MYO1H: variants seen among roughly 807,000 people sequenced by gnomAD.
The protein encoded by MYO1H is unconventional myosin-Ih.
In MYO1H, 118 loss-of-function variants were observed where a neutral mutation model predicts 149.3. The ratio of observed to expected loss-of-function variants is 0.79; its 90% CI spans 0.68 to 0.92. MYO1H has a LOEUF of 0.92. Among genes scored for constraint, MYO1H ranks in the 40% least tolerant of loss-of-function variants. MYO1H has a pLI of 0.00. For missense variants in MYO1H, 1,212 were observed against 1,280.7 expected (o/e 0.95, Z 0.82); for synonymous variants, 447 against 465.2 (o/e 0.96, Z 0.50).
chr12:109,335,234 G>T, the MYO1H span, among the ~76,000 whole-genome samples: 1 of 152,076 alleles, frequency 6.6e-6, no homozygotes, highest in African/African-American at 2.4e-5. Flanking sequence ...TGATGTTTCT[G>T]GGGAGGCCTC....
rs186633747 is a variant in MYO1H at position 109,351,377 on chromosome 12, A to G, written c.12+3405A>G. Among the ~76,000 whole-genome samples the G allele has an allele frequency of 2.2e-4, 34 of 152,322 alleles. No individual in the cohort carries two copies. In the East Asian group the frequency reaches 4.4e-3, roughly 20 times the overall value. On this transcript the variant is annotated intron_variant, in intron 1 of 31. Coordinates refer to ENST00000310903, the Ensembl canonical transcript of MYO1H. ...TTTTGACTAACAAAATAAACATTTT[A>G]TATCAAAACCGTGGGGGGAAAAAGC...
the MYO1H span, among the ~76,000 whole-genome samples, chr12:109,327,739 C>CAAAAAAAAAAAAAAAAAAAAAAAAA: frequency 4.7e-5 from 4 of 85,638 alleles, no homozygotes; most frequent in Admixed American, 1.4e-4. Flanking sequence ...AAAACTGTCT[C>CAAAAAAAAAAAAAAAAAAAAAAAAA]AAAAAAAAAA....
At chr12:109,359,853 A>T (rs1241125036) in intron 1 of MYO1H, among the ~76,000 whole-genome samples, 1 of 152,208 alleles carries the variant, frequency 6.6e-6, no homozygotes, top group Non-Finnish European at 1.5e-5. Context: ...GTTTTTCAAG[A>T]TGGCAGCCAT....
At chr12:109,434,846 A>C (rs1871790301) in intron 20 of MYO1H, among the ~76,000 whole-genome samples, 191 bp from the exon 21 acceptor site, 2 of 152,010 alleles carry the variant, frequency 1.3e-5, no homozygotes, top group South Asian at 4.2e-4. Flanking sequence ...CTCTCAATGG[A>C]TTTAGGGCCC....
At chr12:109,426,151 C>T in intron 18 of MYO1H, 100 bp downstream of exon 18, 1 of 775,704 alleles carries the variant, frequency 1.3e-6, no homozygotes, top group East Asian at 2.6e-5. Flanking sequence ...CACAAGCTTG[C>T]TCGATGTCCT....
chr12:109,422,034 T>A (rs2135574028), intron 16 of MYO1H, among the ~76,000 whole-genome samples: 1 of 152,246 alleles, frequency 6.6e-6, no homozygotes, highest in Middle Eastern at 3.4e-3. Context: ...ACGCCTAGGC[T>A]GGTCTCGAAC....
At position 109,405,869 on chromosome 12, in the gene MYO1H, G is replaced by A. The variant is rs565039515; in HGVS notation, c.850-53G>A. 1.3e-5 allele frequency: 17 copies of A among 1,322,152 alleles called. 1 individual carries two copies. Among genetic ancestry groups the A allele is most frequent in the South Asian group, 1.2e-4 (10 of 84,114 alleles). 81.9% of individuals were successfully genotyped at this position (1,322,152 alleles called of 1,614,324 possible). A position where few individuals can be genotyped will look rare whatever the true frequency, so the allele number is the denominator to read the frequency against. Reference sequence around the variant, plus strand: ...GACATGTATCAATTAGGCGGCCACCGTTCTCTTTCCCTGTCCTGATCTCCT... The same window carrying A: ...GACATGTATCAATTAGGCGGCCACCATTCTCTTTCCCTGTCCTGATCTCCT... On this transcript the variant is annotated intron_variant, in intron 7 of 31. Coordinates refer to ENST00000310903, the Ensembl canonical transcript of MYO1H.
chr12:109,395,146 G>T lies in MYO1H; in HGVS notation c.291-1238G>T, dbSNP rs533460752. Among the ~76,000 whole-genome samples the T allele has an allele frequency of 4.6e-4, 70 of 152,208 alleles. 1 individual carries two copies. The South Asian group carries it at 0.013, about 28-fold the overall frequency. ...ATTCCTGGGATACCTTCATGCTTTG[G>T]TGTCTGATCTTGAAGATAAAGCACT... On this transcript the variant is annotated intron_variant, in intron 3 of 31. Coordinates refer to ENST00000310903, the Ensembl canonical transcript of MYO1H.
chr12:109,414,380 G>A (rs1308045127), intron 14 of MYO1H, among the ~76,000 whole-genome samples: 1 of 151,380 alleles, frequency 6.6e-6, no homozygotes, highest in Non-Finnish European at 1.5e-5. Context: ...AGGAGGCTGA[G>A]GCAGGAGAAT....
At chr12:109,410,051 G>A in exon 12 of MYO1H, 6 of 1,529,140 alleles carry the variant, frequency 3.9e-6, no homozygotes, top group Non-Finnish European at 5.3e-6. Context: ...GGCAGAATAT[G>A]AAATGGAAGG....
chr12:109,406,728 A>T (rs1171797052), intron 8 of MYO1H, 61 bp from the exon 9 acceptor site: 1 of 1,520,116 alleles, frequency 6.6e-7, no homozygotes, highest in Non-Finnish European at 9.1e-7. Context: ...CTCTAAAAAA[A>T]TAATAAAAAG....
intron 1 of MYO1H, among the ~76,000 whole-genome samples, chr12:109,363,231 T>A (rs1482132946): frequency 6.6e-6 from 1 of 152,266 alleles, no homozygotes; most frequent in Non-Finnish European, 1.5e-5. Context: ...GTATCTTTCC[T>A]AGATGTTGTG....
intron 27 of MYO1H, among the ~76,000 whole-genome samples, chr12:109,442,534 C>T (rs547072104): frequency 2.6e-5 from 4 of 152,284 alleles, no homozygotes; most frequent in Admixed American, 6.5e-5. Context: ...TGAAGTGTAG[C>T]CATGAACTTA....
chr12:109,396,853 G>T (rs528108796), intron 4 of MYO1H, among the ~76,000 whole-genome samples: 1 of 108,334 alleles, frequency 9.2e-6, no homozygotes, highest in Non-Finnish European at 1.7e-5. Context: ...TTGAGACGGA[G>T]TCTCTCTCCG....
chr12:109,313,743 A>C, the MYO1H span, among the ~76,000 whole-genome samples: 1 of 152,238 alleles, frequency 6.6e-6, no homozygotes, highest in Non-Finnish European at 1.5e-5. Flanking sequence ...ACTATGATCC[A>C]CAAATGTGCA....
chr12:109,319,269 G>T, the MYO1H span, among the ~76,000 whole-genome samples: 1 of 152,114 alleles, frequency 6.6e-6, no homozygotes, highest in Non-Finnish European at 1.5e-5. Flanking sequence ...ATTCAGGCAC[G>T]TGCAAGAGCA....
At chr12:109,315,532 T>G in the MYO1H span, among the ~76,000 whole-genome samples, 2 of 152,238 alleles carry the variant, frequency 1.3e-5, no homozygotes, top group Admixed American at 1.3e-4. Context: ...GGTTTTCTTT[T>G]AAAATTTTTG....
chr12:109,372,231 T>G (rs1868997197), intron 1 of MYO1H, among the ~76,000 whole-genome samples: 1 of 152,152 alleles, frequency 6.6e-6, no homozygotes. Context: ...CATTCATATT[T>G]TCTTGTACTT....
At chr12:109,336,853 C>T in the MYO1H span, among the ~76,000 whole-genome samples, 2 of 152,164 alleles carry the variant, frequency 1.3e-5, no homozygotes, top group Non-Finnish European at 2.9e-5. Context: ...AACCAATTGC[C>T]ATTGTCATAG....
Sources: gnomAD v4.1 joint callset for allele counts (sites outside exome capture counted in the v4.1 genomes callset) on GRCh38, gnomAD v4.1.1 for gene constraint, MANE v1.5 for transcripts, NCBI Gene and HGNC (gene_info 2026-07-23, HGNC 2026-07-21) for gene names.